TENM2: variants seen among roughly 807,000 people sequenced by gnomAD.
TENM2 encodes teneurin-2.
Under a neutral mutation model 245.2 loss-of-function variants are expected in TENM2, and 52 were observed. That is an observed-to-expected ratio of 0.21 (90% confidence interval 0.17 to 0.27). The LOEUF is 0.27. Ranked by LOEUF, TENM2 falls within the 10% of genes least tolerant of loss-of-function variation. TENM2 has a pLI of 1.00. For synonymous variants in TENM2, 1,363 were observed against 1,438.9 expected, an observed-to-expected ratio of 0.95 and a Z score of 1.19; for missense variants, 3,046 against 3,666.8, an observed-to-expected ratio of 0.83 and a Z score of 4.37.
chr5:167,694,114 G>A (rs1026407128), intron 2 of TENM2, among the ~76,000 whole-genome samples: 1 of 152,072 alleles, frequency 6.6e-6, no homozygotes, highest in African/African-American at 2.4e-5. Flanking sequence ...CTCCTAAATC[G>A]ACATCTTGCT....
At chr5:167,735,075 C>A (rs1760707399) in intron 2 of TENM2, among the ~76,000 whole-genome samples, 1 of 152,214 alleles carries the variant, frequency 6.6e-6, no homozygotes, top group East Asian at 1.9e-4. Flanking sequence ...GTGGAAACAA[C>A]AAATATCTAT....
At chr5:167,895,851 C>T (rs1046086535) in intron 3 of TENM2, among the ~76,000 whole-genome samples, 2 of 152,184 alleles carry the variant, frequency 1.3e-5, no homozygotes, top group African/African-American at 4.8e-5. Flanking sequence ...TTTATACTGC[C>T]TTTGTTAATG....
the TENM2 span, among the ~76,000 whole-genome samples, chr5:167,177,483 C>T: frequency 6.6e-6 from 1 of 152,156 alleles, no homozygotes; most frequent in African/African-American, 2.4e-5. Flanking sequence ...TCCTTATTTA[C>T]TTGCATGTAT....
chr5:168,049,969 AT>A (rs1788935452), intron 6 of TENM2, among the ~76,000 whole-genome samples: 3 of 151,960 alleles, frequency 2.0e-5, no homozygotes, highest in Admixed American at 2.0e-4. Context: ...CGCCTGGCTA[AT>A]TTTTTGTATT....
At chr5:167,562,659 T>C (rs1410069918) in intron 2 of TENM2, among the ~76,000 whole-genome samples, 1 of 152,058 alleles carries the variant, frequency 6.6e-6, no homozygotes, top group East Asian at 1.9e-4. Flanking sequence ...TTGGCCAACC[T>C]TGTGATCAGT....
At chr5:167,945,080 C>T (rs886583316) in intron 3 of TENM2, among the ~76,000 whole-genome samples, 1 of 152,174 alleles carries the variant, frequency 6.6e-6, no homozygotes, top group Admixed American at 6.5e-5. Context: ...TGATCCCTGT[C>T]CTCTGAGACT....
chr5:167,118,948 A>G, the TENM2 span, among the ~76,000 whole-genome samples: 1 of 152,182 alleles, frequency 6.6e-6, no homozygotes, highest in Non-Finnish European at 1.5e-5. Context: ...GGCTAGTTCT[A>G]ATAATTGGTT....
At position 168,045,230 on chromosome 5, in the gene TENM2, C is replaced by T. The variant is rs115821359; in HGVS notation, c.1187-2197C>T. ...GTACTCTGACCCTAACCCTTTCCAC[C>T]TCATCTGTAGTTTTCTTATTTTCAG... is the stretch of plus-strand genomic sequence containing the variant. On this transcript the variant is annotated intron_variant, in intron 5 of 28. Transcript: ENST00000518659. Among the ~76,000 whole-genome samples the T allele has an allele frequency of 3.7e-3, 562 of 152,184 alleles. 4 individuals are homozygous for T. Among genetic ancestry groups the T allele is most frequent in the African/African-American group, 0.013 (525 of 41,508 alleles).
chr5:167,261,803 T>C, the TENM2 span, among the ~76,000 whole-genome samples: 1 of 152,200 alleles, frequency 6.6e-6, no homozygotes, highest in African/African-American at 2.4e-5. Context: ...TTACTTTTTA[T>C]TATGTTACCC....
chr5:167,353,311 T>G (rs1030194119), intron 1 of TENM2, among the ~76,000 whole-genome samples: 3 of 140,742 alleles, frequency 2.1e-5, no homozygotes, highest in Non-Finnish European at 4.4e-5. Context: ...GAAACTTGAC[T>G]CTGTAATGTG....
chr5:167,865,933 G>C (rs1013417465), intron 2 of TENM2, among the ~76,000 whole-genome samples: 2 of 152,198 alleles, frequency 1.3e-5, no homozygotes, highest in African/African-American at 4.8e-5. Context: ...GGAGTAAATT[G>C]TTATAATCAA....
the TENM2 span, among the ~76,000 whole-genome samples, chr5:167,163,333 C>T: frequency 1.3e-5 from 2 of 152,186 alleles, no homozygotes; most frequent in Non-Finnish European, 2.9e-5. Context: ...TCAAGGGATC[C>T]TCCCGCCTCA....
chr5:168,084,488 A>G (rs930111459), intron 7 of TENM2, among the ~76,000 whole-genome samples: 2 of 152,140 alleles, frequency 1.3e-5, no homozygotes, highest in African/African-American at 4.8e-5. Flanking sequence ...GTTTTGATTT[A>G]CATTTTGATA....
intron 12 of TENM2, among the ~76,000 whole-genome samples, chr5:168,147,210 G>A (rs996434987): frequency 1.3e-5 from 2 of 152,200 alleles, no homozygotes; most frequent in South Asian, 4.1e-4. Flanking sequence ...CTGTAACTCT[G>A]CCATGACTAG....
intron 2 of TENM2, among the ~76,000 whole-genome samples, chr5:167,452,941 A>ATG (rs1765677378): frequency 4.0e-4 from 2 of 5,006 alleles, no homozygotes; most frequent in South Asian, 0.031. Flanking sequence ...TTATATATAT[A>ATG]TATATATATA....
intron 3 of TENM2, among the ~76,000 whole-genome samples, chr5:167,920,240 C>A (rs774461773): frequency 6.6e-6 from 1 of 151,242 alleles, no homozygotes; most frequent in Non-Finnish European, 1.5e-5. Flanking sequence ...ACCTGTAATC[C>A]CAACACATTG....
chr5:168,228,179 A>G (rs374122866), intron 25 of TENM2, 49 bp downstream of exon 27: 14 of 1,431,568 alleles, frequency 9.8e-6, no homozygotes, highest in Admixed American at 5.4e-5. Context: ...GGGGATATAC[A>G]CTTTCCTCAC....
chr5:167,865,267 TTC>T (rs1252340957), intron 2 of TENM2, among the ~76,000 whole-genome samples: 1 of 151,964 alleles, frequency 6.6e-6, no homozygotes, highest in Non-Finnish European at 1.5e-5. Flanking sequence ...GGAATTGAAT[TTC>T]TCTCTCTCTC....
chr5:167,418,360 A>C (rs1305822799), intron 2 of TENM2, among the ~76,000 whole-genome samples: 3 of 152,138 alleles, frequency 2.0e-5, no homozygotes, highest in Non-Finnish European at 4.4e-5. Context: ...TAGAATCAAA[A>C]TATTTTCCAT....
Sources: gnomAD v4.1 joint callset for allele counts (sites outside exome capture counted in the v4.1 genomes callset) on GRCh38, gnomAD v4.1.1 for gene constraint, MANE v1.5 for transcripts, NCBI Gene and HGNC (gene_info 2026-07-23, HGNC 2026-07-21) for gene names.